The following GPATCH2L variants were observed in gnomAD, a reference collection of about 807,000 sequenced individuals.
GPATCH2L encodes the protein G-patch domain containing 2 like.
GPATCH2L carries 31 observed loss-of-function variants against 57.4 expected under a neutral mutation model. The ratio of observed to expected loss-of-function variants is 0.54; its 90% CI spans 0.41 to 0.73. The LOEUF (loss-of-function observed/expected upper bound fraction) is 0.73. Ranked by LOEUF, GPATCH2L falls within the 30% of genes least tolerant of loss-of-function variation. The pLI, the probability that GPATCH2L is intolerant of heterozygous loss-of-function variation, is 0.00. For missense variants in GPATCH2L, 481 were observed against 599.9 expected (o/e 0.80, Z 2.07); for synonymous variants, 199 against 210.7 (o/e 0.94, Z 0.48).
rs537940551 is a variant in GPATCH2L at position 76,212,297 on chromosome 14, T to C, written c.*10446T>C. 2.0e-5 allele frequency: 3 copies of C among 151,952 alleles called. No homozygotes were observed. In the South Asian group the frequency reaches 6.2e-4, roughly 31 times the overall value. 9.4% of individuals were successfully genotyped at this position (151,952 alleles called of 1,614,324 possible). On this transcript the variant is annotated 3_prime_UTR_variant, in exon 10 of 10. Transcript: ENST00000261530. The stretch of plus-strand genomic sequence containing the variant: ...GTCAGCAAACACTAATTTCATGTTA[T>C]AAGATTCAGAAAGGTTGAGCAAAAG...
intron 2 of GPATCH2L, among the ~76,000 whole-genome samples, chr14:76,156,755 A>G (rs989360331): frequency 2.0e-5 from 3 of 152,220 alleles, no homozygotes; most frequent in East Asian, 3.8e-4. Flanking sequence ...ATTTCTTGTT[A>G]AACTACGACA....
At chr14:76,160,322 A>T (rs2038521063) in intron 2 of GPATCH2L, among the ~76,000 whole-genome samples, 1 of 152,206 alleles carries the variant, frequency 6.6e-6, no homozygotes, top group Non-Finnish European at 1.5e-5. Context: ...GGGCAGGCTC[A>T]GCACTTCTAA....
intron 3 of GPATCH2L, among the ~76,000 whole-genome samples, chr14:76,171,065 A>G (rs533155346): frequency 3.3e-5 from 5 of 152,234 alleles, no homozygotes; most frequent in African/African-American, 4.8e-5. Context: ...AGTCTAACAC[A>G]GTATGACATT....
At chr14:76,220,980 A>G (rs745614302) in intron 1 of GPATCH2L, among the ~76,000 whole-genome samples, 3 of 152,084 alleles carry the variant, frequency 2.0e-5, no homozygotes, top group Non-Finnish European at 4.4e-5. Context: ...GGATAGCAAC[A>G]AACCCAGAGA....
chr14:76,216,485 A>G (rs1255293038), downstream of GPATCH2L, among the ~76,000 whole-genome samples: 1 of 152,168 alleles, frequency 6.6e-6, no homozygotes, highest in Non-Finnish European at 1.5e-5. Context: ...ACTTAAGCCA[A>G]TATATTTGAA....
Position 76,171,987 on chromosome 14 carries a change from C to T in GPATCH2L, c.872C>T (p.Thr291Ile), listed in dbSNP as rs1331689089. ...GGATTGGATAAATTTTCAGATTCCA[C>T]ATTCCTTTTACCTTCTCGGCCAGCT... ...DSGLDKFSDS[T>I]FLLPSRPAQR... The change falls in exon 4 of 10, where the codon ACA (threonine) becomes ATA (isoleucine). Residue 291 changes from threonine to isoleucine, a missense_variant. Thr to Ile is a moderately conservative substitution (Grantham distance 89, BLOSUM62 -1). This residue lies in a region of GPATCH2L where 248 missense variants were observed against 270.5 expected (regional missense o/e 0.92). Coordinates refer to ENST00000261530, the MANE Select transcript of GPATCH2L (RefSeq NM_017926.4). The T allele has an allele frequency of 6.2e-7, 1 of 1,612,140 alleles. No individual in the cohort carries two copies. The highest frequency in any genetic ancestry group is 8.5e-7 in the Non-Finnish European group (1 of 1,179,018).
intron 8 of GPATCH2L, among the ~76,000 whole-genome samples, chr14:76,189,005 G>A (rs1242935182): frequency 2.0e-5 from 3 of 152,126 alleles, no homozygotes; most frequent in Middle Eastern, 3.4e-3. Context: ...CTGAAAATGA[G>A]GTCACTCTGC....
rs770432255 is a variant in GPATCH2L, at chr14:76,154,594, A to C, written c.231A>C (p.Arg77=). 1 of 1,614,266 alleles carries C rather than the reference A, an allele frequency of 6.2e-7. No individual in the cohort carries two copies. The highest frequency in any genetic ancestry group is 8.5e-7 in the Non-Finnish European group (1 of 1,180,044). Residue 77 remains arginine (R), a synonymous_variant, in exon 2 of 10, where the codon CGA becomes CGC. Coordinates refer to ENST00000261530, the MANE Select transcript of GPATCH2L (RefSeq NM_017926.4). This position sits in a 1 kb window ranked among gnomAD's most constrained non-coding sequence, Gnocchi z 4.4. ...TGGATGAGGCCACTAAGGACTGTCG[A>C]GAAGTGGCTCCGGTGACCAATTTTA... ...SSLDEATKDC[R]EVAPVTNFSD...
chr14:76,177,954 T>A, intron 6 of GPATCH2L, 34 bp from the exon 7 acceptor site: 1 of 1,601,892 alleles, frequency 6.2e-7, no homozygotes, highest in South Asian at 1.1e-5. Context: ...TTCTTTGTCA[T>A]CTTTATTTTA....
chr14:76,182,084 G>A (rs1428719834), intron 8 of GPATCH2L, among the ~76,000 whole-genome samples: 3 of 152,262 alleles, frequency 2.0e-5, no homozygotes, highest in African/African-American at 7.2e-5. Context: ...ACTGCCGGGC[G>A]CGGTGGCTCA....
Position 76,210,289 on chromosome 14 carries a change from G to A in GPATCH2L, c.*8438G>A, listed in dbSNP as rs1349657217. Reference sequence around the variant, plus strand: ...CTTACAGTTACAGACAAACTTGCTCGAGTCACATATCTATTAAGTGTCAGT... The same window carrying A: ...CTTACAGTTACAGACAAACTTGCTCAAGTCACATATCTATTAAGTGTCAGT... On this transcript the variant is annotated 3_prime_UTR_variant, in exon 10 of 10. Transcript: ENST00000261530. 2.6e-5 allele frequency: 4 copies of A among 152,230 alleles called. No individual in the cohort carries two copies. In the East Asian group the frequency reaches 7.7e-4, roughly 29 times the overall value. 9.4% of individuals were successfully genotyped at this position (152,230 alleles called of 1,614,324 possible).
At chr14:76,197,008 C>T (rs7158562) in intron 9 of GPATCH2L, among the ~76,000 whole-genome samples, 85,688 of 151,946 alleles carry the variant, frequency 0.56, 26,428 homozygotes, top group South Asian at 0.77. Context: ...CTGAGCTGAA[C>T]ACTTTGTAAA....
intron 8 of GPATCH2L, among the ~76,000 whole-genome samples, chr14:76,183,478 T>C (rs1217035109): frequency 1.3e-5 from 2 of 151,834 alleles, no homozygotes; most frequent in South Asian, 2.1e-4. Context: ...AAAAAAATTA[T>C]AGCAAAATTT....
At chr14:76,179,557 A>G (rs184912427) in intron 7 of GPATCH2L, 3 of 152,316 alleles carry the variant, frequency 2.0e-5, no homozygotes, top group East Asian at 1.9e-4. Flanking sequence ...GATTCAAACT[A>G]TTTGCCCAAA....
intron 5 of GPATCH2L, chr14:76,175,674 T>C (rs1328377762): frequency 1.3e-5 from 2 of 152,202 alleles, no homozygotes; most frequent in East Asian, 3.8e-4. Context: ...AAACTTCTCA[T>C]TTAACTCCAC....
intron 8 of GPATCH2L, among the ~76,000 whole-genome samples, chr14:76,194,544 T>C (rs74067641): frequency 0.22 from 33,970 of 151,772 alleles, 4,501 homozygotes; most frequent in African/African-American, 0.37. Context: ...TGCACCCTTT[T>C]CAACTGTGCA....
At chr14:76,230,168 C>G (rs1489526988) in intron 2 of GPATCH2L, among the ~76,000 whole-genome samples, 1 of 152,150 alleles carries the variant, frequency 6.6e-6, no homozygotes, top group Non-Finnish European at 1.5e-5. Context: ...AGCCTTGGGC[C>G]TGACACAGAA....
At chr14:76,218,897 C>CT (rs1238284827), downstream of GPATCH2L, among the ~76,000 whole-genome samples, 1 of 150,588 alleles carries the variant, frequency 6.6e-6, no homozygotes, top group East Asian at 1.9e-4. Flanking sequence ...CTAGGTAGGG[C>CT]TCTGGTGAAA....
At chr14:76,179,813 T>A (rs1395783136) in intron 7 of GPATCH2L, 5 of 152,074 alleles carry the variant, frequency 3.3e-5, no homozygotes, top group Non-Finnish European at 7.4e-5. Flanking sequence ...TGAAGTCAAA[T>A]AGATGTTTTG....
Sources: gnomAD v4.1 joint callset for allele counts (sites outside exome capture counted in the v4.1 genomes callset) on GRCh38, gnomAD v4.1.1 for gene constraint, gnomAD v4.1.1 regional missense constraint, Gnocchi (gnomAD v3.1) non-coding constraint, MANE v1.5 for transcripts, NCBI Gene and HGNC (gene_info 2026-07-23, HGNC 2026-07-21) for gene names.